LCLAT1: variants seen among roughly 807,000 people sequenced by gnomAD.
LCLAT1 encodes the protein 1-AGP acyltransferase 8.
In LCLAT1, 11 loss-of-function variants were observed where a neutral mutation model predicts 30.7. The observed-to-expected ratio is 0.36, with a 90% CI of 0.23 to 0.59. LCLAT1 has a LOEUF of 0.59. Among genes scored for constraint, LCLAT1 ranks in the 20% least tolerant of loss-of-function variants. LCLAT1 has a pLI of 0.77. For synonymous variants in LCLAT1, 155 were observed against 151.3 expected, an observed-to-expected ratio of 1.02 and a Z score of -0.18; for missense variants, 402 against 458.6, an observed-to-expected ratio of 0.88 and a Z score of 1.13.
chr2:30,602,399 T>C (rs7595659), intron 5 of LCLAT1, among the ~76,000 whole-genome samples: 6,857 of 152,208 alleles, frequency 0.045, 526 homozygotes, highest in African/African-American at 0.16. Context: ...TAGAGAACTT[T>C]GAGAAATTTT....
intron 2 of LCLAT1, among the ~76,000 whole-genome samples, chr2:30,527,503 T>C (rs958875887): frequency 6.6e-6 from 1 of 152,224 alleles, no homozygotes; most frequent in Admixed American, 6.5e-5. Context: ...ATTACTACAG[T>C]TGTAATGCTT....
rs1006427189 is a variant in LCLAT1, at chr2:30,479,811, C to T, written c.-5+32428C>T. Among the ~76,000 whole-genome samples the T allele has an allele frequency of 3.9e-5, 6 of 152,074 alleles. No individual in the cohort carries two copies. In the South Asian group the frequency reaches 8.3e-4, roughly 21 times the overall value. On this transcript the variant is annotated intron_variant, in intron 1 of 5. Coordinates refer to ENST00000379509, the MANE Select transcript of LCLAT1 (RefSeq NM_001002257.3). ...TGAAAGTATGTACCAAAACGAAACA[C>T]AAAAAAGAAAAAAGTAAAAGAAACA...
chr2:30,616,034 G>A (rs1461181731), intron 5 of LCLAT1, among the ~76,000 whole-genome samples: 1 of 152,126 alleles, frequency 6.6e-6, no homozygotes, highest in African/African-American at 2.4e-5. Flanking sequence ...AGTCTTCACA[G>A]TTTACCCAGG....
In LCLAT1 at chr2:30,478,134, G is replaced by A. The variant is rs75360708; in HGVS notation, c.-5+30751G>A. ...AGCATTTGGAACTGGGCCTCCCACAGTTTATGAGTTAACACGAGATTGGGG... is the reference window on the plus strand; with the variant it reads ...AGCATTTGGAACTGGGCCTCCCACAATTTATGAGTTAACACGAGATTGGGG... On this transcript the variant is annotated intron_variant, in intron 1 of 5. Coordinates refer to ENST00000379509, the MANE Select transcript of LCLAT1 (RefSeq NM_001002257.3). Among the ~76,000 whole-genome samples, 11 of 150,760 alleles carry A rather than the reference G, an allele frequency of 7.3e-5. No individual in the cohort carries two copies. The East Asian group carries it at 2.2e-3, about 29-fold the overall frequency.
At chr2:30,547,754 G>A (rs773411632) in intron 3 of LCLAT1, among the ~76,000 whole-genome samples, 4 of 152,024 alleles carry the variant, frequency 2.6e-5, no homozygotes, top group East Asian at 1.9e-4. Context: ...CTGAACTAGC[G>A]TTGGGGCCAG....
chr2:30,485,814 A>C (rs1683533341), intron 1 of LCLAT1, among the ~76,000 whole-genome samples: 1 of 152,182 alleles, frequency 6.6e-6, no homozygotes, highest in Non-Finnish European at 1.5e-5. Context: ...CATTTGGATT[A>C]ATGCTATAGC....
At chr2:30,534,173 A>G (rs981786521) in intron 3 of LCLAT1, among the ~76,000 whole-genome samples, 9 of 150,392 alleles carry the variant, frequency 6.0e-5, no homozygotes. Context: ...CCCTCACAGG[A>G]TAGACTAGTA....
intron 5 of LCLAT1, among the ~76,000 whole-genome samples, chr2:30,619,525 G>T (rs949920751): frequency 5.9e-5 from 9 of 152,118 alleles, no homozygotes; most frequent in African/African-American, 1.9e-4. Flanking sequence ...TAATAAAAAA[G>T]ATACTTTACT....
At chr2:30,623,944 G>T (rs1210629864) in intron 5 of LCLAT1, among the ~76,000 whole-genome samples, 1 of 152,126 alleles carries the variant, frequency 6.6e-6, no homozygotes, top group African/African-American at 2.4e-5. Context: ...AAGCTAAAAG[G>T]GATTAGGGTC....
chr2:30,630,863 A>T (rs987015480), intron 5 of LCLAT1, among the ~76,000 whole-genome samples: 2 of 152,210 alleles, frequency 1.3e-5, no homozygotes, highest in African/African-American at 4.8e-5. Flanking sequence ...CTTAGGGTCC[A>T]CATATATATC....
chr2:30,545,712 A>G (rs185057748), intron 3 of LCLAT1, among the ~76,000 whole-genome samples: 30 of 152,252 alleles, frequency 2.0e-4, no homozygotes, highest in African/African-American at 6.3e-4. Flanking sequence ...CTTTTAGCCA[A>G]TTTTATGACC....
intron 3 of LCLAT1, among the ~76,000 whole-genome samples, chr2:30,538,268 G>T (rs1047414496): frequency 1.6e-4 from 25 of 152,082 alleles, no homozygotes; most frequent in African/African-American, 6.0e-4. Context: ...AATACAAAGG[G>T]TCAATGAAAT....
intron 1 of LCLAT1, among the ~76,000 whole-genome samples, chr2:30,523,216 G>T (rs1685559917): frequency 6.6e-6 from 1 of 151,656 alleles, no homozygotes; most frequent in African/African-American, 2.4e-5. Context: ...GGGCGGGGTG[G>T]GTGTATAAAA....
At chr2:30,562,344 C>T (rs984558966) in intron 4 of LCLAT1, 52 bp downstream of exon 4, 2 of 1,435,360 alleles carry the variant, frequency 1.4e-6, no homozygotes, top group Non-Finnish European at 1.9e-6. Context: ...CTAAACTTCT[C>T]ATTTCTCAGA....
At chr2:30,578,491 C>T (rs1666082726) in intron 5 of LCLAT1, among the ~76,000 whole-genome samples, 1 of 152,100 alleles carries the variant, frequency 6.6e-6, no homozygotes, top group African/African-American at 2.4e-5. Context: ...GCAAAACGGT[C>T]TTTCCTGTAT....
chr2:30,492,584 A>G (rs1683888776), intron 1 of LCLAT1, among the ~76,000 whole-genome samples: 1 of 125,016 alleles, frequency 8.0e-6, no homozygotes, highest in Admixed American at 7.4e-5. Flanking sequence ...AAAAAAAAGA[A>G]AAAAAAAAAA....
intron 1 of LCLAT1, among the ~76,000 whole-genome samples, chr2:30,516,649 A>G (rs1297003311): frequency 6.6e-6 from 1 of 152,120 alleles, no homozygotes; most frequent in Non-Finnish European, 1.5e-5. Flanking sequence ...GCTTGCTGCT[A>G]TCTTGGGAGC....
chr2:30,524,895 A>G (rs910499965), intron 1 of LCLAT1, among the ~76,000 whole-genome samples: 1 of 152,154 alleles, frequency 6.6e-6, no homozygotes, highest in Admixed American at 6.6e-5. Context: ...AATGGATCCA[A>G]AGTGGGGACC....
At chr2:30,565,624 A>G (rs542572655) in intron 4 of LCLAT1, among the ~76,000 whole-genome samples, 3 of 152,326 alleles carry the variant, frequency 2.0e-5, no homozygotes, top group African/African-American at 7.2e-5. Context: ...ACCTATATAC[A>G]TAAAACTTAT....
Sources: allele counts gnomAD v4.1 joint callset (sites outside exome capture counted in the v4.1 genomes callset), GRCh38; gene constraint gnomAD v4.1.1; transcripts MANE v1.5; gene names NCBI Gene and HGNC (gene_info 2026-07-23, HGNC 2026-07-21).